The following MDGA2 variants were observed in gnomAD, a reference collection of about 807,000 sequenced individuals.
The protein encoded by MDGA2 is MAM domain-containing glycosylphosphatidylinositol anchor protein 2.
Under a neutral mutation model 117.8 loss-of-function variants are expected in MDGA2, and 40 were observed. The observed-to-expected ratio is 0.34, with a 90% confidence interval of 0.26 to 0.44. The LOEUF (loss-of-function observed/expected upper bound fraction) is 0.44, where lower values mean the gene tolerates loss of function less well. Ranked by LOEUF, MDGA2 falls within the 20% of genes least tolerant of loss-of-function variation. The pLI is 1.00. For synonymous variants in MDGA2, 452 were observed against 439.0 expected, an observed-to-expected ratio of 1.03 and a Z score of -0.37; for missense variants, 1,123 against 1,250.6, an observed-to-expected ratio of 0.90 and a Z score of 1.54.
chr14:46,848,279 T>C (rs997223613), intron 15 of MDGA2, among the ~76,000 whole-genome samples: 1 of 152,052 alleles, frequency 6.6e-6, no homozygotes, highest in African/African-American at 2.4e-5. Context: ...ATCTTAGCTA[T>C]GTAAAGGTAA....
chr14:47,228,069 C>T (rs537442514), intron 2 of MDGA2, among the ~76,000 whole-genome samples: 80 of 152,210 alleles, frequency 5.3e-4, no homozygotes, highest in African/African-American at 1.7e-3. Context: ...TTACTGGTAA[C>T]TCCATCCTTC....
chr14:47,420,074 T>G (rs1183846160), intron 1 of MDGA2, among the ~76,000 whole-genome samples: 1 of 152,114 alleles, frequency 6.6e-6, no homozygotes, highest in African/African-American at 2.4e-5. Context: ...GGGGTTTGGA[T>G]GGAAGGAATA....
At chr14:47,574,613 C>T (rs1163843785) in intron 1 of MDGA2, among the ~76,000 whole-genome samples, 1 of 151,974 alleles carries the variant, frequency 6.6e-6, no homozygotes, top group Non-Finnish European at 1.5e-5. Context: ...ATGTTCTTTG[C>T]CTTCATGTCT....
chr14:47,058,852 G>A, intron 7 of MDGA2: 1 of 985,644 alleles, frequency 1.0e-6, no homozygotes, highest in Non-Finnish European at 1.2e-6. Flanking sequence ...AGCCTCAAGA[G>A]CCTGCCATCC....
At chr14:47,432,635 C>G (rs977557563) in intron 1 of MDGA2, among the ~76,000 whole-genome samples, 3 of 151,344 alleles carry the variant, frequency 2.0e-5, no homozygotes. Flanking sequence ...GCCCTTCTGA[C>G]AAAAAGAATG....
chr14:47,190,839 C>T lies in MDGA2; in HGVS notation c.595+27182G>A, dbSNP rs569516103. 9.2e-5 allele frequency among the ~76,000 whole-genome samples: 14 copies of T among 152,192 alleles called. No homozygotes were observed. The South Asian group carries it at 2.5e-3, about 27-fold the overall frequency. On this transcript the variant is annotated intron_variant, in intron 3 of 16. Transcript: ENST00000399232. ...ATACAGCTATAACTGGCTGGGGTAA[C>T]ATAGTGGAAAATCCAATATGGAGAC...
intron 8 of MDGA2, among the ~76,000 whole-genome samples, chr14:47,008,898 T>C (rs192178443): frequency 6.6e-6 from 1 of 152,118 alleles, no homozygotes; most frequent in Admixed American, 6.6e-5. Flanking sequence ...TATTTCTCCC[T>C]GAGCACATCT....
intron 6 of MDGA2, among the ~76,000 whole-genome samples, chr14:47,068,898 T>A (rs980004435): frequency 3.3e-5 from 5 of 152,178 alleles, no homozygotes; most frequent in African/African-American, 1.2e-4. Context: ...GTTTTCTGTC[T>A]CGTAAGCGGT....
At chr14:47,272,641 A>C (rs531652137) in intron 2 of MDGA2, among the ~76,000 whole-genome samples, 1 of 152,292 alleles carries the variant, frequency 6.6e-6, no homozygotes, top group South Asian at 2.1e-4. Flanking sequence ...AAGAAAAGGG[A>C]ATACAGATAA....
chr14:46,999,838 C>T lies in MDGA2; in HGVS notation c.1819+35173G>A, dbSNP rs150217626. Among the ~76,000 whole-genome samples the T allele has an allele frequency of 1.6e-4, 25 of 152,180 alleles. No homozygotes were observed. In the East Asian group the frequency reaches 4.6e-3, roughly 28 times the overall value. On this transcript the variant is annotated intron_variant, in intron 8 of 16. Transcript: ENST00000399232. Reference sequence around the variant, plus strand: ...TGAAGAAATAGCCTGGAAGGGCACACATACCTAACAAATTAGGACATGTAA... The same window carrying T: ...TGAAGAAATAGCCTGGAAGGGCACATATACCTAACAAATTAGGACATGTAA...
chr14:47,104,597 C>A (rs1015173242), intron 5 of MDGA2, among the ~76,000 whole-genome samples: 8 of 151,026 alleles, frequency 5.3e-5, no homozygotes, highest in African/African-American at 2.0e-4. Context: ...CGGACTCAGC[C>A]TGCCTGCACC....
chr14:47,365,165 C>T lies in MDGA2; in HGVS notation c.281-63615G>A, dbSNP rs560113021. 2.2e-4 allele frequency among the ~76,000 whole-genome samples: 33 copies of T among 152,332 alleles called. No individual in the cohort carries two copies. The South Asian group carries it at 6.4e-3, about 30-fold the overall frequency. ...AAATAATACTTTCATCTCCATCCGC[C>T]TCTCAATAGTATATTATTTCTGAAA... On this transcript the variant is annotated intron_variant, in intron 1 of 16. Coordinates refer to ENST00000399232, the MANE Select transcript of MDGA2 (RefSeq NM_001113498.3).
At chr14:46,962,396 A>T (rs10484196) in intron 8 of MDGA2, among the ~76,000 whole-genome samples, 17,929 of 152,002 alleles carry the variant, frequency 0.12, 2,013 homozygotes, top group African/African-American at 0.27. Context: ...ATCCTTTGAG[A>T]TCCAACTTCT....
At chr14:46,946,390 C>T (rs924506906) in intron 9 of MDGA2, among the ~76,000 whole-genome samples, 10 of 151,126 alleles carry the variant, frequency 6.6e-5, no homozygotes, top group Admixed American at 6.6e-4. Context: ...ATTAATGTGC[C>T]TGCAAAAAAA....
intron 8 of MDGA2, among the ~76,000 whole-genome samples, chr14:47,009,954 T>C (rs961582719): frequency 3.9e-5 from 6 of 152,196 alleles, no homozygotes; most frequent in African/African-American, 1.2e-4. Flanking sequence ...CTGGTTTCTC[T>C]GTCCCTTACC....
chr14:47,126,382 C>G (rs548697174), intron 5 of MDGA2, among the ~76,000 whole-genome samples: 2 of 152,066 alleles, frequency 1.3e-5, no homozygotes, highest in Non-Finnish European at 2.9e-5. Context: ...ATTCTATGAA[C>G]TGTCTTGATA....
intron 3 of MDGA2, among the ~76,000 whole-genome samples, chr14:47,176,221 C>A (rs1210178522): frequency 6.6e-6 from 1 of 152,132 alleles, no homozygotes; most frequent in East Asian, 1.9e-4. Context: ...AATGGCCATA[C>A]TGCCCAAGGT....
At chr14:47,342,802 TAGC>T (rs1293021510) in intron 1 of MDGA2, 23 of 326,012 alleles carry the variant, frequency 7.1e-5, no homozygotes, top group South Asian at 3.6e-4. Flanking sequence ...CTTACAAAAG[TAGC>T]AGCAAATTCT....
At chr14:47,591,257 A>G (rs139441995) in intron 1 of MDGA2, among the ~76,000 whole-genome samples, 1 of 152,202 alleles carries the variant, frequency 6.6e-6, no homozygotes, top group Non-Finnish European at 1.5e-5. Context: ...TCTCACACTT[A>G]TTTGTTAAAG....
Sources: allele counts gnomAD v4.1 joint callset (sites outside exome capture counted in the v4.1 genomes callset), GRCh38; gene constraint gnomAD v4.1.1; transcripts MANE v1.5; gene names NCBI Gene and HGNC (gene_info 2026-07-23, HGNC 2026-07-21).